The following MIGA1 variants were observed in gnomAD, a reference collection of about 807,000 sequenced individuals.
MIGA1 encodes mitoguardin 1, also known as family with sequence similarity 73, member A.
A neutral mutation model predicts 82.0 loss-of-function variants in MIGA1; 58 were observed. The ratio of observed to expected loss-of-function variants is 0.71; its 90% CI spans 0.57 to 0.88. MIGA1 has a LOEUF of 0.88. MIGA1 is among the 40% of genes least tolerant of loss of function. MIGA1 has a pLI of 0.00. For missense variants in MIGA1, 751 were observed against 749.1 expected (o/e 1.00, Z -0.03); for synonymous variants, 249 against 253.6 (o/e 0.98, Z 0.17).
At chr1:77,786,867 T>C (rs776473778) in intron 2 of MIGA1, among the ~76,000 whole-genome samples, 3 of 152,230 alleles carry the variant, frequency 2.0e-5, no homozygotes, top group African/African-American at 7.2e-5. Context: ...CAAAGTCACA[T>C]CCACATTTTT....
intron 8 of MIGA1, among the ~76,000 whole-genome samples, chr1:77,844,898 C>T (rs2101895310): frequency 6.6e-6 from 1 of 152,268 alleles, no homozygotes; most frequent in East Asian, 1.9e-4. Flanking sequence ...ACAAGAATCG[C>T]TTGAACCTGG....
chr1:77,839,547 T>C (rs1464843795), intron 7 of MIGA1, among the ~76,000 whole-genome samples: 1 of 151,886 alleles, frequency 6.6e-6, no homozygotes, highest in Non-Finnish European at 1.5e-5. Flanking sequence ...ACTTTTTAAA[T>C]TTTTTGTAGA....
chr1:77,813,766 T>C lies in MIGA1; in HGVS notation c.670T>C (p.Trp224Arg), dbSNP rs746871351. 3 of 1,614,212 alleles carry C rather than the reference T, an allele frequency of 1.9e-6. No homozygotes were observed. The highest frequency in any genetic ancestry group is 2.2e-5 in the East Asian group (1 of 44,880). The change falls in exon 6 of 16, where the codon TGG becomes CGG. Residue 224 changes from tryptophan to arginine, a missense_variant. Physicochemically the swap from Trp to Arg is moderately radical, Grantham distance 101. Around this residue, in one of 3 missense-constraint regions of MIGA1, gnomAD observed 482 missense variants for 439.4 expected, o/e 1.10. Coordinates refer to ENST00000370791, the MANE Select transcript of MIGA1 (RefSeq NM_198549.4). Reference sequence around the variant, plus strand: ...ATTGTTTGAAGAGGCATTGCGTCGATGGGAACAAGCTCTGACCTTTCGCAA... The same window carrying C: ...ATTGTTTGAAGAGGCATTGCGTCGACGGGAACAAGCTCTGACCTTTCGCAA...
At chr1:77,830,587 C>G (rs1000897393) in intron 7 of MIGA1, among the ~76,000 whole-genome samples, 3 of 152,116 alleles carry the variant, frequency 2.0e-5, no homozygotes, top group Non-Finnish European at 2.9e-5. Context: ...TCCGCACCCC[C>G]CTCCCCGCAA....
At chr1:77,847,758 A>G in intron 8 of MIGA1, 1 of 1,590,558 alleles carries the variant, frequency 6.3e-7, no homozygotes, top group Non-Finnish European at 8.6e-7. Flanking sequence ...CAGATCTGGT[A>G]TAAAGGAAGA....
chr1:77,791,187 A>G (rs1404917226), intron 2 of MIGA1, among the ~76,000 whole-genome samples: 1 of 150,560 alleles, frequency 6.6e-6, no homozygotes, highest in Non-Finnish European at 1.5e-5. Flanking sequence ...AGGATGTATT[A>G]AGCTCTGATT....
chr1:77,815,011 A>G, intron 6 of MIGA1, 97 bp from the exon 7 acceptor site: 1 of 806,666 alleles, frequency 1.2e-6, no homozygotes, highest in Non-Finnish European at 1.8e-6. Context: ...TTTTTATATT[A>G]CTCACTTTCT....
At chr1:77,823,372 AT>A (rs1397512080) in intron 7 of MIGA1, among the ~76,000 whole-genome samples, 1 of 152,192 alleles carries the variant, frequency 6.6e-6, no homozygotes, top group Non-Finnish European at 1.5e-5. Context: ...AGCTCTATAC[AT>A]TTAAAACTAA....
At chr1:77,848,602 T>G (rs1019538655) in intron 8 of MIGA1, 5 of 1,425,714 alleles carry the variant, frequency 3.5e-6, no homozygotes, top group Non-Finnish European at 3.9e-6. Context: ...ACCCTCTAAT[T>G]CTGAATCATC....
At chr1:77,864,636 G>A (rs908981571) in intron 13 of MIGA1, among the ~76,000 whole-genome samples, 4 of 151,956 alleles carry the variant, frequency 2.6e-5, no homozygotes, top group Admixed American at 1.3e-4. Context: ...AGATCGTGCC[G>A]CTGCACTCCA....
In MIGA1 at chr1:77,864,011, T is replaced by C. The variant is rs766516663; in HGVS notation, c.1492T>C (p.Ser498Pro). ...TGTAGTAAATAATCGATGGCTAAACTCATCCTTCAAAGAAACAGTAAGTGG... is the reference window on the plus strand; with the variant it reads ...TGTAGTAAATAATCGATGGCTAAACCCATCCTTCAAAGAAACAGTAAGTGG... Residue 498 changes from serine (S) to proline (P), a missense_variant, in exon 13 of 16, where the codon TCA becomes CCA. Transcript: ENST00000370791. 2.5e-6 allele frequency: 4 copies of C among 1,604,630 alleles called. No homozygotes were observed. In the South Asian group the frequency reaches 4.5e-5, roughly 18 times the overall value.
chr1:77,846,042 A>T (rs922216924), intron 8 of MIGA1, among the ~76,000 whole-genome samples: 2 of 150,504 alleles, frequency 1.3e-5, no homozygotes, highest in African/African-American at 4.9e-5. Context: ...GGTTTATAGT[A>T]TGTTTATATA....
chr1:77,873,774 T>C (rs1646869248), intron 15 of MIGA1, among the ~76,000 whole-genome samples: 1 of 152,226 alleles, frequency 6.6e-6, no homozygotes. Context: ...GTTTGGATGT[T>C]TTACTATACC....
intron 2 of MIGA1, 144 bp from the exon 3 acceptor site, chr1:77,801,187 A>G (rs1682866383): frequency 1.8e-6 from 1 of 547,190 alleles, no homozygotes; most frequent in Admixed American, 4.0e-5. Context: ...AAATTGGGCT[A>G]GCTTGTCATT....
intron 7 of MIGA1, among the ~76,000 whole-genome samples, chr1:77,820,052 G>T (rs1683741070): frequency 6.6e-6 from 1 of 151,714 alleles, no homozygotes; most frequent in Non-Finnish European, 1.5e-5. Context: ...AAATTCCACA[G>T]CTGACAGAGT....
intron 2 of MIGA1, among the ~76,000 whole-genome samples, chr1:77,790,991 G>C (rs990577363): frequency 1.3e-5 from 2 of 152,178 alleles, no homozygotes; most frequent in Non-Finnish European, 2.9e-5. Context: ...GTTTATTCCT[G>C]TAATCCCAGC....
chr1:77,851,428 C>A (rs933530735), intron 8 of MIGA1, among the ~76,000 whole-genome samples: 1 of 151,902 alleles, frequency 6.6e-6, no homozygotes, highest in African/African-American at 2.4e-5. Flanking sequence ...CCTTATTGAC[C>A]GCTGCTTCTG....
chr1:77,858,871 T>A, intron 8 of MIGA1, 67 bp from the exon 9 acceptor site: 1 of 849,816 alleles, frequency 1.2e-6, no homozygotes, highest in East Asian at 2.4e-5. Context: ...CCTCCCAAAG[T>A]GTTGCAATTA....
At chr1:77,830,112 T>A (rs2101853215) in intron 7 of MIGA1, among the ~76,000 whole-genome samples, 1 of 152,312 alleles carries the variant, frequency 6.6e-6, no homozygotes, top group Non-Finnish European at 1.5e-5. Flanking sequence ...CATGTGAAGT[T>A]TAGGACAGCT....
Sources: gnomAD v4.1 joint callset for allele counts (sites outside exome capture counted in the v4.1 genomes callset) on GRCh38, gnomAD v4.1.1 for gene constraint, gnomAD v4.1.1 regional missense constraint, MANE v1.5 for transcripts, NCBI Gene and HGNC (gene_info 2026-07-23, HGNC 2026-07-21) for gene names.